The following CBFB variants were observed in gnomAD, a reference collection of about 807,000 sequenced individuals.
The protein encoded by CBFB is core-binding factor subunit beta.
CBFB carries 9 observed loss-of-function variants against 30.4 expected under a neutral mutation model. The observed-to-expected ratio is 0.30, with a 90% CI of 0.18 to 0.52. The LOEUF (loss-of-function observed/expected upper bound fraction) is 0.52, where lower values mean the gene tolerates loss of function less well. Ranked by LOEUF, CBFB falls within the 20% of genes least tolerant of loss-of-function variation. The pLI, the probability that CBFB is intolerant of heterozygous loss-of-function variation, is 0.97. For synonymous variants in CBFB, 94 were observed against 84.0 expected, an observed-to-expected ratio of 1.12 and a Z score of -0.65; for missense variants, 170 against 244.0, an observed-to-expected ratio of 0.70 and a Z score of 2.02.
chr16:67,087,364 TG>T (rs1319538020), intron 5 of CBFB, among the ~76,000 whole-genome samples: 3 of 152,166 alleles, frequency 2.0e-5, no homozygotes, highest in Non-Finnish European at 2.9e-5. Context: ...AAGACCAGCC[TG>T]GGCAACACAG....
chr16:67,038,686 T>A (rs1009395207), intron 3 of CBFB, among the ~76,000 whole-genome samples: 1 of 151,696 alleles, frequency 6.6e-6, no homozygotes, highest in Non-Finnish European at 1.5e-5. Flanking sequence ...CGTGTATGTG[T>A]GACTAAATGA....
rs1351798814 is a variant in CBFB at position 67,029,749 on chromosome 16, A to G, written c.101A>G (p.Asp34Gly). Reference protein sequence around the residue: ...ECEIKYTGFRDRPHEERQARF... With the variant: ...ECEIKYTGFRGRPHEERQARF... ...CAGATTAAGTACACGGGCTTCAGGG[A>G]CCGGCCCCACGAGGAACGCCAGGCA... The change falls in exon 2 of 6, where the codon GAC becomes GGC. Residue 34 changes from aspartate to glycine, a missense_variant. Asp to Gly is a moderately conservative substitution (Grantham distance 94). Transcript: ENST00000412916. 6.3e-7 allele frequency: 1 copy of G among 1,596,152 alleles called. No homozygotes were observed. The highest frequency in any genetic ancestry group is 1.4e-5 in the African/African-American group (1 of 72,520).
intron 4 of CBFB, among the ~76,000 whole-genome samples, chr16:67,070,222 T>C (rs566506940): frequency 6.6e-6 from 1 of 152,292 alleles, no homozygotes; most frequent in East Asian, 1.9e-4. Flanking sequence ...GGATTCAAAG[T>C]TAAAAGTCTT....
At chr16:67,033,450 T>TG (rs1277653544) in intron 2 of CBFB, among the ~76,000 whole-genome samples, 2 of 151,886 alleles carry the variant, frequency 1.3e-5, no homozygotes, top group East Asian at 3.9e-4. Flanking sequence ...CCTCCTGACT[T>TG]GCTGGGATTA....
intron 5 of CBFB, among the ~76,000 whole-genome samples, chr16:67,085,923 C>T (rs893789527): frequency 2.0e-5 from 3 of 152,112 alleles, no homozygotes; most frequent in Admixed American, 6.6e-5. Flanking sequence ...CGTGATCTGC[C>T]CGCCTTGGCC....
At chr16:67,062,604 C>T (rs991121078) in intron 3 of CBFB, among the ~76,000 whole-genome samples, 2 of 151,464 alleles carry the variant, frequency 1.3e-5, no homozygotes, top group African/African-American at 4.8e-5. Context: ...GCAGCCCGGC[C>T]AACATGGTGA....
chr16:67,040,398 A>G (rs1966510376), intron 3 of CBFB, among the ~76,000 whole-genome samples: 1 of 152,236 alleles, frequency 6.6e-6, no homozygotes, highest in Non-Finnish European at 1.5e-5. Context: ...AGAGTTAGGC[A>G]AAATTGAGTT....
intron 4 of CBFB, among the ~76,000 whole-genome samples, chr16:67,074,065 T>C (rs1274825741): frequency 1.3e-5 from 2 of 152,140 alleles, no homozygotes; most frequent in Non-Finnish European, 2.9e-5. Flanking sequence ...CAAGCTGTTA[T>C]TTGCAGAAGA....
intron 3 of CBFB, among the ~76,000 whole-genome samples, chr16:67,048,289 C>T (rs553438763): frequency 6.6e-6 from 1 of 152,002 alleles, no homozygotes; most frequent in South Asian, 2.1e-4. Flanking sequence ...TTTTATTTTC[C>T]TTAAATGTAT....
chr16:67,097,361 C>T (rs1397148318), intron 5 of CBFB, among the ~76,000 whole-genome samples: 2 of 151,786 alleles, frequency 1.3e-5, no homozygotes, highest in South Asian at 2.1e-4. Flanking sequence ...GCCTAACCAA[C>T]GTGGAGAAAC....
intron 5 of CBFB, among the ~76,000 whole-genome samples, chr16:67,089,912 C>T (rs921127201): frequency 1.3e-5 from 2 of 152,200 alleles, no homozygotes; most frequent in Non-Finnish European, 2.9e-5. Flanking sequence ...TTTCTTTACC[C>T]CTTCTTTCTG....
Position 67,029,493 on chromosome 16 carries a change from A to G in CBFB, c.78+8A>G, listed in dbSNP as rs1966292200. The G allele has an allele frequency of 1.3e-6, 2 of 1,584,028 alleles. No homozygotes were observed. The highest frequency in any genetic ancestry group is 1.1e-5 in the South Asian group (1 of 87,334). On this transcript the variant is annotated splice_region_variant and intron_variant, in intron 1 of 5. Transcript: ENST00000412916. ...CTGAGCCGCGAGTGTGAGGTGAGGC[A>G]GGCGGGCGGGCGGCTAGGAGGCCGC...
intron 4 of CBFB, among the ~76,000 whole-genome samples, chr16:67,075,977 A>G (rs1032006219): frequency 2.0e-5 from 3 of 152,218 alleles, no homozygotes; most frequent in African/African-American, 7.2e-5. Flanking sequence ...CATGCCTGTA[A>G]TCCCAGCACT....
At chr16:67,032,608 C>A (rs559788511) in intron 2 of CBFB, among the ~76,000 whole-genome samples, 1 of 152,202 alleles carries the variant, frequency 6.6e-6, no homozygotes, top group East Asian at 1.9e-4. Context: ...TTTGTATAAA[C>A]CCCTCTGGAT....
chr16:67,034,312 A>G (rs1003443393), intron 2 of CBFB, among the ~76,000 whole-genome samples: 1 of 152,250 alleles, frequency 6.6e-6, no homozygotes, highest in African/African-American at 2.4e-5. Context: ...AAGGTGTGCT[A>G]TTTTATAATT....
At chr16:67,054,854 G>T (rs150335093) in intron 3 of CBFB, among the ~76,000 whole-genome samples, 7,379 of 152,002 alleles carry the variant, frequency 0.049, 522 homozygotes, top group African/African-American at 0.15. Flanking sequence ...CCGGGTTCAC[G>T]CCATTCTCCT....
intron 5 of CBFB, among the ~76,000 whole-genome samples, chr16:67,091,451 G>A (rs1284715897): frequency 6.6e-6 from 1 of 152,188 alleles, no homozygotes; most frequent in Non-Finnish European, 1.5e-5. Flanking sequence ...AAATGCTCTT[G>A]TAAGTTACCT....
chr16:67,031,469 G>T (rs1413422846), intron 2 of CBFB, among the ~76,000 whole-genome samples: 4 of 152,226 alleles, frequency 2.6e-5, no homozygotes, highest in African/African-American at 9.6e-5. Context: ...GGTAAAGGAT[G>T]CAAGTATAAA....
At chr16:67,075,741 G>A (rs1961377723) in intron 4 of CBFB, among the ~76,000 whole-genome samples, 1 of 152,144 alleles carries the variant, frequency 6.6e-6, no homozygotes, top group Admixed American at 6.6e-5. Flanking sequence ...TTTATAAAGT[G>A]CGTGGTCACA....
Sources: allele counts gnomAD v4.1 joint callset (sites outside exome capture counted in the v4.1 genomes callset), GRCh38; gene constraint gnomAD v4.1.1; transcripts MANE v1.5; gene names NCBI Gene and HGNC (gene_info 2026-07-23, HGNC 2026-07-21).